The following LRIF1 variants were observed in gnomAD, a reference collection of about 807,000 sequenced individuals.
LRIF1 encodes the protein ligand dependent nuclear receptor interacting factor 1.
Under a neutral mutation model 52.7 loss-of-function variants are expected in LRIF1, and 32 were observed. The ratio of observed to expected loss-of-function variants is 0.61; its 90% CI spans 0.46 to 0.82. LRIF1 has a LOEUF of 0.82. Ranked by LOEUF, LRIF1 falls within the 40% of genes least tolerant of loss-of-function variation. The pLI is 0.00. For missense variants in LRIF1, 887 were observed against 892.0 expected (o/e 0.99, Z 0.07); for synonymous variants, 323 against 317.4 (o/e 1.02, Z -0.19).
the LRIF1 span, among the ~76,000 whole-genome samples, chr1:110,926,318 A>G: frequency 6.6e-6 from 1 of 152,022 alleles, no homozygotes; most frequent in African/African-American, 2.4e-5. Context: ...GAAGATAAAA[A>G]GCCCTAATGT....
chr1:110,929,791 A>C, the LRIF1 span, among the ~76,000 whole-genome samples: 1 of 152,192 alleles, frequency 6.6e-6, no homozygotes, highest in East Asian at 1.9e-4. Context: ...GTTCTCACTT[A>C]TAAATGGGAG....
chr1:110,932,811 T>C, the LRIF1 span, among the ~76,000 whole-genome samples: 5 of 152,190 alleles, frequency 3.3e-5, no homozygotes, highest in Admixed American at 3.3e-4. Context: ...GCAGCTACTA[T>C]TACTAGGGCA....
At chr1:110,936,845 A>G in the LRIF1 span, 3 of 152,100 alleles carry the variant, frequency 2.0e-5, no homozygotes, top group African/African-American at 7.2e-5. Flanking sequence ...AAGAAACACA[A>G]TTCAACTATA....
At chr1:110,959,973 CATT>C (rs1224741646) in intron 1 of LRIF1, among the ~76,000 whole-genome samples, 8 of 151,910 alleles carry the variant, frequency 5.3e-5, no homozygotes, top group Middle Eastern at 3.4e-3. Context: ...TATGACATAA[CATT>C]ATATACATAT....
chr1:110,909,671 C>G, the LRIF1 span, among the ~76,000 whole-genome samples: 1 of 150,560 alleles, frequency 6.6e-6, no homozygotes. Context: ...ACCTCTGCCT[C>G]CCGAGTTCCA....
At chr1:110,907,592 G>A in the LRIF1 span, among the ~76,000 whole-genome samples, 3 of 152,128 alleles carry the variant, frequency 2.0e-5, no homozygotes, top group Non-Finnish European at 4.4e-5. Flanking sequence ...AAAATTAGCT[G>A]GGCTTGGTGG....
chr1:110,927,511 T>A, the LRIF1 span, among the ~76,000 whole-genome samples: 1 of 152,148 alleles, frequency 6.6e-6, no homozygotes, highest in East Asian at 1.9e-4. Flanking sequence ...ATGGGTGGGC[T>A]CCAGTAGCCA....
At chr1:110,949,576 G>A (rs1658372367) in intron 3 of LRIF1, among the ~76,000 whole-genome samples, 1 of 150,130 alleles carries the variant, frequency 6.7e-6, no homozygotes, top group African/African-American at 2.5e-5. Context: ...ACCACCACCA[G>A]GCCCAGCTAA....
chr1:110,935,436 A>G, the LRIF1 span, among the ~76,000 whole-genome samples: 4 of 152,240 alleles, frequency 2.6e-5, no homozygotes, highest in African/African-American at 9.6e-5. Context: ...CAGAAATTCA[A>G]GATAACACAG....
At chr1:110,961,205 C>G (rs562506812) in intron 1 of LRIF1, among the ~76,000 whole-genome samples, 1 of 152,288 alleles carries the variant, frequency 6.6e-6, no homozygotes, top group South Asian at 2.1e-4. Flanking sequence ...TACATCAACT[C>G]TACTTTCCTC....
At chr1:110,946,796 A>T (rs1658218628), downstream of LRIF1, among the ~76,000 whole-genome samples, 1 of 151,610 alleles carries the variant, frequency 6.6e-6, no homozygotes, top group Non-Finnish European at 1.5e-5. Flanking sequence ...AGTTAGGATT[A>T]CAGGTGCCCG....
At chr1:110,944,894 CTGTT>C (rs1419309423), downstream of LRIF1, 6 of 133,748 alleles carry the variant, frequency 4.5e-5, no homozygotes, top group Non-Finnish European at 9.4e-5. Flanking sequence ...CTCAAGGTTG[CTGTT>C]TTTTTTTTTT....
the LRIF1 span, among the ~76,000 whole-genome samples, chr1:110,918,729 TG>T: frequency 6.6e-6 from 1 of 152,140 alleles, no homozygotes; most frequent in Non-Finnish European, 1.5e-5. Flanking sequence ...CTCACACACT[TG>T]GGCTTTGGTT....
At chr1:110,908,654 G>A in the LRIF1 span, among the ~76,000 whole-genome samples, 1 of 151,850 alleles carries the variant, frequency 6.6e-6, no homozygotes, top group Non-Finnish European at 1.5e-5. Flanking sequence ...AGAACTCAAA[G>A]ACCATTCTTT....
the LRIF1 span, among the ~76,000 whole-genome samples, chr1:110,878,395 C>T: frequency 1.3e-5 from 2 of 151,744 alleles, no homozygotes; most frequent in Non-Finnish European, 2.9e-5. Flanking sequence ...AATTACCTTG[C>T]GAATGCTCTT....
rs201411180 is a variant in LRIF1, at chr1:110,951,504, G to C, written c.1380C>G (p.Asn460Lys). ...TCTGTTTTAAGTAGTTACTGGATTG[G>C]TTCATATGTGGATTTGTGGTAGAAG... is the stretch of plus-strand genomic sequence containing the variant. Reference protein sequence around the residue: ...PSPSTTNPHMNQSSNYLKQSK... With the variant: ...PSPSTTNPHMKQSSNYLKQSK... Residue 460 changes from asparagine (N) to lysine (K), a missense_variant, in exon 2 of 4, where the codon AAC (asparagine) becomes AAG (lysine). Physicochemically the swap from Asn to Lys is moderately conservative, Grantham distance 94. Transcript: ENST00000369763. The C allele has an allele frequency of 1.7e-5, 28 of 1,613,968 alleles. No homozygotes were observed. In the Middle Eastern group the frequency reaches 1.3e-3, roughly 76 times the overall value.
the LRIF1 span, among the ~76,000 whole-genome samples, chr1:110,929,309 A>T: frequency 1.3e-5 from 2 of 152,166 alleles, no homozygotes; most frequent in Non-Finnish European, 2.9e-5. Flanking sequence ...TCAAATGGTA[A>T]TTCGATTTTG....
chr1:110,943,036 A>G (rs1658125770), downstream of LRIF1, among the ~76,000 whole-genome samples: 1 of 152,172 alleles, frequency 6.6e-6, no homozygotes, highest in Admixed American at 6.5e-5. Flanking sequence ...CAAAGAGACT[A>G]AGAAGAAGCA....
At chr1:110,909,817 G>A in the LRIF1 span, among the ~76,000 whole-genome samples, 11,541 of 151,942 alleles carry the variant, frequency 0.076, 1,491 homozygotes, top group African/African-American at 0.26. Context: ...CTGACCTCAG[G>A]TGATCCACCC....
Sources: gnomAD v4.1 joint callset for allele counts (sites outside exome capture counted in the v4.1 genomes callset) on GRCh38, gnomAD v4.1.1 for gene constraint, MANE v1.5 for transcripts, NCBI Gene and HGNC (gene_info 2026-07-23, HGNC 2026-07-21) for gene names.